ZW10: variants seen among roughly 807,000 people sequenced by gnomAD.
ZW10 encodes centromere/kinetochore protein zw10 homolog.
In ZW10, 53 loss-of-function variants were observed where a neutral mutation model predicts 87.8. The ratio of observed to expected loss-of-function variants is 0.60; its 90% CI spans 0.48 to 0.76. The LOEUF is 0.76. Among genes scored for constraint, ZW10 ranks in the 30% least tolerant of loss-of-function variants. The pLI is 0.00. For missense variants in ZW10, 837 were observed against 923.0 expected (o/e 0.91, Z 1.21); for synonymous variants, 312 against 329.2 (o/e 0.95, Z 0.57).
Position 113,757,832 on chromosome 11 carries a change from A to C in ZW10, c.755T>G (p.Ile252Ser). ...KSFGQMLLKY[I>S]LRPLASCPSL... ...TGGGCAAGATGCCAGCGGCCTAAGG[A>C]TATACTTCAGCAGCATCTGACCTGA... Residue 252 changes from isoleucine to serine, a missense_variant, in exon 7 of 16, where the codon ATC becomes AGC. By Grantham distance (142) the Ile-to-Ser change is moderately radical. Coordinates refer to ENST00000200135, the MANE Select transcript of ZW10 (RefSeq NM_004724.4). 6.2e-7 allele frequency: 1 copy of C among 1,606,650 alleles called. No homozygotes were observed.
Position 113,760,890 on chromosome 11 carries a change from C to T in ZW10, c.269G>A (p.Gly90Asp). 6.2e-7 allele frequency: 1 copy of T among 1,614,030 alleles called. No homozygotes were observed. ...EVRRDLHVST[G>D]EFTDLKQQLE... ...CTGCTGCTTTAAGTCTGTAAATTCACCGGTTGATACGTGAAGATCCCGGCG... is the reference window on the plus strand; with the variant it reads ...CTGCTGCTTTAAGTCTGTAAATTCATCGGTTGATACGTGAAGATCCCGGCG... The change falls in exon 3 of 16, where the codon GGT becomes GAT. Residue 90 changes from glycine (G) to aspartate (D), a missense_variant. Gly to Asp is a moderately conservative substitution (Grantham distance 94). Transcript: ENST00000200135.
In ZW10 at chr11:113,763,191, T is replaced by G. The variant is rs189860246; in HGVS notation, c.241-2273A>C. ...TTCATCCATATCCCTACAAAGGACA[T>G]GCTCTCATTCCTTTTTATGGCTGCA... On this transcript the variant is annotated intron_variant, in intron 2 of 15. Transcript: ENST00000200135. 1.5e-3 allele frequency among the ~76,000 whole-genome samples: 222 copies of G among 152,338 alleles called. 1 individual carries two copies. Among genetic ancestry groups the G allele is most frequent in the African/African-American group, 5.2e-3 (216 of 41,574 alleles).
At chr11:113,740,864 A>T (rs962548360) in intron 11 of ZW10, among the ~76,000 whole-genome samples, 5 of 152,216 alleles carry the variant, frequency 3.3e-5, no homozygotes, top group African/African-American at 4.8e-5. Flanking sequence ...AAGGAGAAAG[A>T]CAGGCAAATC....
At chr11:113,739,465 G>A in intron 11 of ZW10, 83 bp from the exon 12 acceptor site, 3 of 1,237,426 alleles carry the variant, frequency 2.4e-6, no homozygotes, top group African/African-American at 1.5e-5. Context: ...CTTCTCTAAT[G>A]TATTTCTAGG....
chr11:113,733,641 T>C lies in ZW10; in HGVS notation c.*53A>G. 2 of 1,611,462 alleles carry C rather than the reference T, an allele frequency of 1.2e-6. No homozygotes were observed. The highest frequency in any genetic ancestry group is 1.7e-6 in the Non-Finnish European group (2 of 1,179,594). ...AAAGAAGTCTTTAAGGGAGTAATTA[T>C]GCCAAGGGAAGAATCCACATATTCA... On this transcript the variant is annotated 3_prime_UTR_variant, in exon 16 of 16. Coordinates refer to ENST00000200135, the MANE Select transcript of ZW10 (RefSeq NM_004724.4).
chr11:113,748,525 A>G, intron 7 of ZW10, 105 bp from the exon 8 acceptor site: 2 of 940,406 alleles, frequency 2.1e-6, no homozygotes, highest in Admixed American at 3.0e-5. Context: ...GGGGAAGAAA[A>G]CAGCACAGAT....
intron 13 of ZW10, 125 bp from the exon 14 acceptor site, chr11:113,737,828 T>A: frequency 9.4e-7 from 1 of 1,066,880 alleles, no homozygotes; most frequent in Non-Finnish European, 1.3e-6. Flanking sequence ...GTAAAGTAAC[T>A]AAGGACATAT....
intron 1 of ZW10, among the ~76,000 whole-genome samples, chr11:113,772,625 T>C (rs1953978071): frequency 6.6e-6 from 1 of 152,080 alleles, no homozygotes; most frequent in African/African-American, 2.4e-5. Flanking sequence ...AACGTTTACG[T>C]AGGTACCAAT....
At chr11:113,763,237 G>A (rs1953880417) in intron 2 of ZW10, among the ~76,000 whole-genome samples, 1 of 152,140 alleles carries the variant, frequency 6.6e-6, no homozygotes. Context: ...TGGTGTATAT[G>A]TACCACATTT....
intron 7 of ZW10, among the ~76,000 whole-genome samples, chr11:113,750,631 G>A: frequency 6.6e-6 from 1 of 151,956 alleles, no homozygotes; most frequent in Non-Finnish European, 1.5e-5. Flanking sequence ...ACAATAAAGT[G>A]AACAATATTA....
At position 113,734,939 on chromosome 11, in the gene ZW10, T is replaced by C. The variant is rs373896924; in HGVS notation, c.2220-1125A>G. Among the ~76,000 whole-genome samples the C allele has an allele frequency of 6.6e-5, 10 of 152,128 alleles. No individual in the cohort carries two copies. The East Asian group carries it at 1.9e-3, about 29-fold the overall frequency. On this transcript the variant is annotated intron_variant, in intron 15 of 15. Coordinates refer to ENST00000200135, the MANE Select transcript of ZW10 (RefSeq NM_004724.4). ...TTATGTTATTTAGGATACATGTAAA[T>C]GGGGTAGAACTATAAAGAAAGGTAA... is the stretch of plus-strand genomic sequence containing the variant.
intron 15 of ZW10, among the ~76,000 whole-genome samples, chr11:113,734,475 A>G (rs77765931): frequency 0.091 from 13,927 of 152,212 alleles, 669 homozygotes; most frequent in Middle Eastern, 0.17. Flanking sequence ...GAATGATGCG[A>G]TGGTGAAAAT....
At chr11:113,772,301 G>A (rs1360446183) in intron 1 of ZW10, among the ~76,000 whole-genome samples, 2 of 152,148 alleles carry the variant, frequency 1.3e-5, no homozygotes, top group Non-Finnish European at 2.9e-5. Flanking sequence ...TTAAAAACCT[G>A]TCCTCTTTCC....
Position 113,760,276 on chromosome 11 carries a change from C to T in ZW10, c.513G>A (p.Gln171=), listed in dbSNP as rs759531980. ...SLSMELTIQK[Q]NILYHLGEEW... is the part of the protein sequence containing the mutation. Reference sequence around the variant, plus strand: ...CTTCTCCAAGGTGATAAAGTATGTTCTGTTTCTGTATTGTGAGCTCCATGC... The same window carrying T: ...CTTCTCCAAGGTGATAAAGTATGTTTTGTTTCTGTATTGTGAGCTCCATGC... The change falls in exon 5 of 16, where the codon CAG becomes CAA. Residue 171 remains glutamine, a synonymous_variant. Transcript: ENST00000200135. 2.2e-5 allele frequency: 35 copies of T among 1,614,092 alleles called. No homozygotes were observed. Among genetic ancestry groups the T allele is most frequent in the Non-Finnish European group, 3.0e-5 (35 of 1,180,010 alleles).
At chr11:113,755,368 G>A (rs1265464153) in intron 7 of ZW10, among the ~76,000 whole-genome samples, 1 of 152,196 alleles carries the variant, frequency 6.6e-6, no homozygotes, top group African/African-American at 2.4e-5. Context: ...TTCAGTTAAA[G>A]AAGGAACTGC....
chr11:113,761,330 C>T (rs751056044), intron 2 of ZW10, among the ~76,000 whole-genome samples: 3 of 152,070 alleles, frequency 2.0e-5, no homozygotes, highest in South Asian at 4.1e-4. Context: ...CAGGCTGAAG[C>T]GCAGTGGTGC....
chr11:113,746,495 C>CAAAAAA (rs566009326), intron 9 of ZW10, among the ~76,000 whole-genome samples: 28 of 105,260 alleles, frequency 2.7e-4, no homozygotes, highest in African/African-American at 5.5e-4. Context: ...ACAAAACAGT[C>CAAAAAA]AAAAAAAAAA....
chr11:113,740,263 A>C (rs1037416399), intron 11 of ZW10, among the ~76,000 whole-genome samples: 1 of 152,140 alleles, frequency 6.6e-6, no homozygotes, highest in Non-Finnish European at 1.5e-5. Flanking sequence ...AAATATGTAT[A>C]TTTTTAAAGC....
At chr11:113,768,791 C>T (rs758698213) in intron 2 of ZW10, 42 bp downstream of exon 2, 1 of 1,599,616 alleles carries the variant, frequency 6.3e-7, no homozygotes, top group South Asian at 1.1e-5. Flanking sequence ...GAAGCTGAAC[C>T]ACCTCCCTAC....
Sources: gnomAD v4.1 joint callset for allele counts (sites outside exome capture counted in the v4.1 genomes callset) on GRCh38, gnomAD v4.1.1 for gene constraint, MANE v1.5 for transcripts, NCBI Gene and HGNC (gene_info 2026-07-23, HGNC 2026-07-21) for gene names.